Variants in KCNH2 observed in about 807,000 individuals in gnomAD.
The protein encoded by KCNH2 is voltage-gated inwardly rectifying potassium channel KCNH2.
In KCNH2, 35 loss-of-function variants were observed where a neutral mutation model predicts 95.9. The ratio of observed to expected loss-of-function variants is 0.37; its 90% CI spans 0.28 to 0.48. The LOEUF (loss-of-function observed/expected upper bound fraction) is 0.48, where lower values mean the gene tolerates loss of function less well. Ranked by LOEUF, KCNH2 falls within the 20% of genes least tolerant of loss-of-function variation. The pLI, the probability that KCNH2 is intolerant of heterozygous loss-of-function variation, is 0.99. For synonymous variants in KCNH2, 786 were observed against 754.7 expected, an observed-to-expected ratio of 1.04 and a Z score of -0.68; for missense variants, 1,274 against 1,702.9, an observed-to-expected ratio of 0.75 and a Z score of 4.43.
intron 2 of KCNH2, among the ~76,000 whole-genome samples, chr7:150,969,921 G>A (rs184797937): frequency 1.6e-3 from 251 of 152,178 alleles, no homozygotes; most frequent in Non-Finnish European, 2.7e-3. Flanking sequence ...GGACATGGAG[G>A]GGACTTTAGG....
chr7:150,974,593 T>A, intron 2 of KCNH2, 118 bp downstream of exon 2: 1 of 856,486 alleles, frequency 1.2e-6, no homozygotes, highest in Non-Finnish European at 1.8e-6. Flanking sequence ...CTGCCCGGGC[T>A]CGGGGCGTTC....
chr7:150,977,330 G>A (rs1563192869), intron 1 of KCNH2, among the ~76,000 whole-genome samples: 1 of 152,114 alleles, frequency 6.6e-6, no homozygotes. Context: ...TGGGCTCAGG[G>A]TTATATACAC....
chr7:150,967,778 G>A (rs988145072), intron 2 of KCNH2, among the ~76,000 whole-genome samples: 7 of 152,206 alleles, frequency 4.6e-5, no homozygotes, highest in Admixed American at 2.0e-4. Flanking sequence ...TCAAAATTAA[G>A]TATCTTTGTT....
chr7:150,970,130 G>A (rs969399842), intron 2 of KCNH2, among the ~76,000 whole-genome samples: 2 of 152,260 alleles, frequency 1.3e-5, no homozygotes, highest in Admixed American at 6.5e-5. Context: ...CACTCTAAAC[G>A]CAGAAGTTCT....
At chr7:150,954,470 C>T (rs41314381) in intron 5 of KCNH2, among the ~76,000 whole-genome samples, 3,000 of 152,278 alleles carry the variant, frequency 0.02, 97 homozygotes, top group African/African-American at 0.068. Context: ...CAAACTCACA[C>T]GTGCATGGGG....
Position 150,945,377 on chromosome 7 carries a change from G to T in KCNH2, c.3468C>A (p.Asp1156Glu). 6.3e-7 allele frequency: 1 copy of T among 1,587,930 alleles called. No individual in the cohort carries two copies. Among genetic ancestry groups the T allele is most frequent in the African/African-American group, 1.3e-5 (1 of 74,504 alleles). ...CTGGGCAGCCCCACTAACTGCCCGGGTCCGAGCCGTGTCTGTGCAGGGGCT... is the reference window on the plus strand; with the variant it reads ...CTGGGCAGCCCCACTAACTGCCCGGTTCCGAGCCGTGTCTGTGCAGGGGCT... ...TSQPLHRHGS[D>E]PGS Residue 1156 changes from aspartate to glutamate, a missense_variant, in exon 15 of 15, where the codon GAC becomes GAA. By Grantham distance (45) the Asp-to-Glu change is conservative. Around this residue, in one of 7 missense-constraint regions of KCNH2, gnomAD observed 457 missense variants for 416.1 expected, o/e 1.10. Coordinates refer to ENST00000262186, the MANE Select transcript of KCNH2 (RefSeq NM_000238.4). The surrounding 1 kb of genome is among the most constrained non-coding windows in gnomAD (Gnocchi z 5.6).
In KCNH2 at chr7:150,947,739, C is replaced by A. The variant is rs1232364499; in HGVS notation, c.2832G>T (p.Glu944Asp). 1.9e-6 allele frequency: 3 copies of A among 1,554,596 alleles called. No homozygotes were observed. The highest frequency in any genetic ancestry group is 1.4e-5 in the African/African-American group (1 of 73,664). Residue 944 changes from glutamate to aspartate, a missense_variant, in exon 12 of 15, where the codon GAG (glutamate) becomes GAT (aspartate). Physicochemically the swap from Glu to Asp is conservative, Grantham distance 45. This residue lies in a region of KCNH2 where 457 missense variants were observed against 416.1 expected (regional missense o/e 1.10). Transcript: ENST00000262186. The part of the protein sequence containing the change: ...GPSSPESSED[E>D]GPGRSSSPLR... Reference sequence around the variant, plus strand: ...GGGGGCTGGAGCTGCGGCCTGGGCCCTCATCCTCACTGCTCTCAGGGCTGG... The same window carrying A: ...GGGGGCTGGAGCTGCGGCCTGGGCCATCATCCTCACTGCTCTCAGGGCTGG...
chr7:150,975,123 T>C (rs886489136), intron 1 of KCNH2, among the ~76,000 whole-genome samples, 182 bp from the exon 2 acceptor site: 1 of 151,790 alleles, frequency 6.6e-6, no homozygotes, highest in Non-Finnish European at 1.5e-5. Context: ...TACAGGTGCC[T>C]GGCCGGCCGG....
chr7:150,963,681 T>C (rs1422291337), intron 2 of KCNH2, among the ~76,000 whole-genome samples: 1 of 151,852 alleles, frequency 6.6e-6, no homozygotes, highest in African/African-American at 2.4e-5. Flanking sequence ...CTGGCCCAGT[T>C]CTGCTTCCTG....
At chr7:150,969,494 T>C (rs1489418668) in intron 2 of KCNH2, among the ~76,000 whole-genome samples, 2 of 152,008 alleles carry the variant, frequency 1.3e-5, no homozygotes, top group Non-Finnish European at 2.9e-5. Flanking sequence ...GATGCTCCTG[T>C]GCCCCACAAT....
At chr7:150,953,227 C>T (rs1461913204) in intron 5 of KCNH2, among the ~76,000 whole-genome samples, 1 of 152,174 alleles carries the variant, frequency 6.6e-6, no homozygotes, top group South Asian at 2.1e-4. Context: ...AGTCTCAGAC[C>T]GGAAAGGGTT....
chr7:150,949,432 T>C, intron 9 of KCNH2: 1 of 871,206 alleles, frequency 1.1e-6, no homozygotes, highest in Non-Finnish European at 1.5e-6. Context: ...TTTTTTTTTT[T>C]TACTGAAAGA....
Position 150,945,356 on chromosome 7 carries a change from G to A in KCNH2, c.*9C>T. 6.3e-7 allele frequency: 1 copy of A among 1,584,826 alleles called. No individual in the cohort carries two copies. Among genetic ancestry groups the A allele is most frequent in the Non-Finnish European group, 8.6e-7 (1 of 1,167,036 alleles). On this transcript the variant is annotated 3_prime_UTR_variant, in exon 15 of 15. Transcript: ENST00000262186. The surrounding 1 kb of genome is among the most constrained non-coding windows in gnomAD (Gnocchi z 5.6). ...TGGGTGAGCCACGTGTCCACACTGG[G>A]CAGCCCCACTAACTGCCCGGGTCCG...
chr7:150,975,119 T>G (rs1485314535), intron 1 of KCNH2, among the ~76,000 whole-genome samples, 178 bp from the exon 2 acceptor site: 4 of 151,796 alleles, frequency 2.6e-5, no homozygotes, highest in African/African-American at 9.7e-5. Flanking sequence ...CCGATACAGG[T>G]GCCTGGCCGG....
rs1801123838 is a variant in KCNH2 at position 150,950,907 on chromosome 7, T to G, written c.2145+14A>C. On this transcript the variant is annotated intron_variant, in intron 8 of 14. Transcript: ENST00000262186. ...CCAGCCTGCCACCCACTGGCCACGC[T>G]CTGGTGGCCTCACCGCGTTCATGTC... The G allele has an allele frequency of 6.2e-7, 1 of 1,613,182 alleles. No individual in the cohort carries two copies. The highest frequency in any genetic ancestry group is 8.5e-7 in the Non-Finnish European group (1 of 1,179,410).
intron 3 of KCNH2, among the ~76,000 whole-genome samples, 164 bp from the exon 4 acceptor site, chr7:150,958,666 C>G (rs1253155852): frequency 6.6e-6 from 1 of 152,238 alleles, no homozygotes; most frequent in East Asian, 1.9e-4. Context: ...TCTCAAAAAT[C>G]ATTCTAGAAT....
chr7:150,969,822 C>T (rs1801794346), intron 2 of KCNH2, among the ~76,000 whole-genome samples: 1 of 152,186 alleles, frequency 6.6e-6, no homozygotes. Flanking sequence ...CAAGGTGTTT[C>T]TCATCCTGGA....
At chr7:150,950,522 C>T in intron 8 of KCNH2, 102 bp from the exon 9 acceptor site, 2 of 1,458,114 alleles carry the variant, frequency 1.4e-6, no homozygotes, top group Non-Finnish European at 1.9e-6. Context: ...AAATCTCAAC[C>T]TCCAGGCCTG....
At chr7:150,974,963 T>G (rs1801943791) in intron 1 of KCNH2, 22 bp from the exon 2 acceptor site, 2 of 1,562,636 alleles carry the variant, frequency 1.3e-6, no homozygotes, top group African/African-American at 1.4e-5. Flanking sequence ...GGGAGGAGAG[T>G]GCGCGTGAGC....
Sources: gnomAD v4.1 joint callset for allele counts (sites outside exome capture counted in the v4.1 genomes callset) on GRCh38, gnomAD v4.1.1 for gene constraint, gnomAD v4.1.1 regional missense constraint, Gnocchi (gnomAD v3.1) non-coding constraint, MANE v1.5 for transcripts, NCBI Gene and HGNC (gene_info 2026-07-23, HGNC 2026-07-21) for gene names.